STXBP6: variants seen among roughly 807,000 people sequenced by gnomAD.
The protein encoded by STXBP6 is syntaxin-binding protein 6.
A neutral mutation model predicts 26.9 loss-of-function variants in STXBP6; 21 were observed. That is an observed-to-expected ratio of 0.78 (90% CI 0.55 to 1.12). STXBP6 has a LOEUF of 1.12. Ranked by LOEUF, STXBP6 falls within the 50% of genes most tolerant of loss-of-function variation. The pLI is 0.00. For missense variants in STXBP6, 232 were observed against 257.9 expected, an observed-to-expected ratio of 0.90 and a Z score of 0.69; for synonymous variants, 97 against 92.6, an observed-to-expected ratio of 1.05 and a Z score of -0.27.
intron 1 of STXBP6, among the ~76,000 whole-genome samples, chr14:25,039,171 TAAA>T (rs1159146904): frequency 1.3e-5 from 2 of 152,136 alleles, no homozygotes; most frequent in Non-Finnish European, 2.9e-5. Context: ...TACAAAATTT[TAAA>T]AAAGAAGTCC....
intron 2 of STXBP6, among the ~76,000 whole-genome samples, chr14:24,884,889 G>T (rs566307063): frequency 1.4e-4 from 21 of 152,212 alleles, no homozygotes; most frequent in African/African-American, 5.1e-4. Context: ...TATGTGTAAA[G>T]TCACATGAGA....
At chr14:25,034,253 C>T (rs2075513314) in intron 1 of STXBP6, among the ~76,000 whole-genome samples, 1 of 152,098 alleles carries the variant, frequency 6.6e-6, no homozygotes, top group Admixed American at 6.5e-5. Flanking sequence ...CCCTAACACC[C>T]CCACACAAGA....
intron 2 of STXBP6, among the ~76,000 whole-genome samples, chr14:24,915,137 A>C (rs2071716781): frequency 6.6e-6 from 1 of 152,206 alleles, no homozygotes. Flanking sequence ...CACAGGTCAG[A>C]CTTTGTGCTC....
intron 1 of STXBP6, among the ~76,000 whole-genome samples, chr14:25,029,516 A>T (rs544730832): frequency 6.6e-6 from 1 of 152,330 alleles, no homozygotes; most frequent in African/African-American, 2.4e-5. Flanking sequence ...ATAAGCACCA[A>T]GAAACAAAAA....
At chr14:24,818,791 C>T (rs1174958624) in intron 5 of STXBP6, among the ~76,000 whole-genome samples, 1 of 152,032 alleles carries the variant, frequency 6.6e-6, no homozygotes, top group Non-Finnish European at 1.5e-5. Context: ...GTCCATAGTT[C>T]CTAAAGATCC....
intron 2 of STXBP6, among the ~76,000 whole-genome samples, chr14:24,957,056 C>G (rs2073367301): frequency 6.6e-6 from 1 of 152,198 alleles, no homozygotes; most frequent in Non-Finnish European, 1.5e-5. Context: ...CTCTGATGTG[C>G]CAGGCACTGT....
intron 2 of STXBP6, among the ~76,000 whole-genome samples, chr14:24,960,482 G>A (rs908542481): frequency 6.6e-6 from 1 of 152,064 alleles, no homozygotes; most frequent in Non-Finnish European, 1.5e-5. Flanking sequence ...TATGAAACAT[G>A]TAAGTTAGAA....
At chr14:25,004,514 G>C (rs1443662929) in intron 1 of STXBP6, among the ~76,000 whole-genome samples, 4 of 152,168 alleles carry the variant, frequency 2.6e-5, no homozygotes, top group Non-Finnish European at 5.9e-5. Flanking sequence ...GGGCAAAACT[G>C]ACTGGATTAG....
intron 1 of STXBP6, among the ~76,000 whole-genome samples, chr14:25,031,052 C>A (rs980201172): frequency 1.3e-5 from 2 of 152,088 alleles, no homozygotes; most frequent in African/African-American, 4.8e-5. Context: ...AATATTGGTA[C>A]GCTTCGAAAT....
intron 1 of STXBP6, chr14:24,994,881 C>T (rs1419961100): frequency 6.6e-6 from 1 of 152,060 alleles, no homozygotes; most frequent in African/African-American, 2.4e-5. Context: ...TGGTGGCTCA[C>T]ATCTGTTGTC....
chr14:24,921,423 C>A (rs1326693244), intron 2 of STXBP6, among the ~76,000 whole-genome samples: 1 of 152,112 alleles, frequency 6.6e-6, no homozygotes, highest in Admixed American at 6.6e-5. Context: ...CTAAAACTTT[C>A]CAATATCTGC....
At chr14:24,865,789 T>C (rs184839029) in intron 2 of STXBP6, among the ~76,000 whole-genome samples, 2 of 152,302 alleles carry the variant, frequency 1.3e-5, no homozygotes, top group East Asian at 3.9e-4. Context: ...TTATATGGTA[T>C]TGAGTTTATA....
intron 2 of STXBP6, among the ~76,000 whole-genome samples, chr14:24,891,787 C>T (rs188424706): frequency 1.3e-5 from 2 of 152,314 alleles, no homozygotes; most frequent in African/African-American, 4.8e-5. Flanking sequence ...TACTGTGTTC[C>T]TTCTCTTCTG....
rs2075782517 is a variant in STXBP6, at chr14:25,050,010, T to TCGC, written c.-168_-166dup. The TCGC allele has an allele frequency of 5.1e-6, 2 of 390,298 alleles. No homozygotes were observed. Among genetic ancestry groups the TCGC allele is most frequent in the Non-Finnish European group, 7.0e-6 (2 of 286,332 alleles). The allele number at this position is 390,298 out of a possible 1,614,324, so 24.2% of individuals were successfully genotyped here. A position where few individuals can be genotyped will look rare whatever the true frequency, so the allele number is the denominator to read the frequency against. ...AGGCTTAGCCGGCCCGGGTGCTGGC[T>TCGC]CGCCGCCGCTCGCGGCTCCCGCGCC... On this transcript the variant is annotated 5_prime_UTR_variant, in exon 1 of 6. Coordinates refer to ENST00000323944, the MANE Select transcript of STXBP6 (RefSeq NM_001394410.1).
At chr14:24,924,205 C>T (rs1162564760) in intron 2 of STXBP6, among the ~76,000 whole-genome samples, 3 of 152,226 alleles carry the variant, frequency 2.0e-5, no homozygotes, top group Middle Eastern at 3.4e-3. Flanking sequence ...GCCCCACTGC[C>T]CTGTAATGCC....
chr14:24,820,800 A>G (rs1489599183), intron 4 of STXBP6, among the ~76,000 whole-genome samples: 2 of 152,144 alleles, frequency 1.3e-5, no homozygotes, highest in Non-Finnish European at 2.9e-5. Context: ...CTTGCACAAT[A>G]CCGTATCACT....
chr14:24,902,547 G>T (rs2065235463), intron 2 of STXBP6, among the ~76,000 whole-genome samples: 1 of 152,084 alleles, frequency 6.6e-6, no homozygotes, highest in African/African-American at 2.4e-5. Flanking sequence ...ATCACCTTTT[G>T]GGTAACATCA....
At chr14:24,969,389 C>T (rs150615524) in intron 2 of STXBP6, among the ~76,000 whole-genome samples, 4 of 152,236 alleles carry the variant, frequency 2.6e-5, no homozygotes, top group Non-Finnish European at 4.4e-5. Flanking sequence ...AGATTTTAAA[C>T]ATGAAATTAC....
intron 2 of STXBP6, among the ~76,000 whole-genome samples, chr14:24,883,913 G>A (rs1159515712): frequency 1.3e-5 from 2 of 152,018 alleles, no homozygotes; most frequent in Admixed American, 1.3e-4. Context: ...TTAAGTAATT[G>A]GCAAACAAAA....
Sources: allele counts gnomAD v4.1 joint callset (sites outside exome capture counted in the v4.1 genomes callset), GRCh38; gene constraint gnomAD v4.1.1; transcripts MANE v1.5; gene names NCBI Gene and HGNC (gene_info 2026-07-23, HGNC 2026-07-21).